Variants in CNTNAP2 observed in about 807,000 individuals in gnomAD.
CNTNAP2 encodes contactin associated protein 2, also known as contactin-associated protein-like 2.
A neutral mutation model predicts 155.2 loss-of-function variants in CNTNAP2; 98 were observed. The observed-to-expected ratio is 0.63, with a 90% CI of 0.54 to 0.75. The LOEUF (loss-of-function observed/expected upper bound fraction) is 0.75, where lower values mean the gene tolerates loss of function less well. Ranked by LOEUF, CNTNAP2 falls within the 30% of genes least tolerant of loss-of-function variation. CNTNAP2 has a pLI of 0.00. For synonymous variants in CNTNAP2, 651 were observed against 631.2 expected, an observed-to-expected ratio of 1.03 and a Z score of -0.47; for missense variants, 1,727 against 1,688.1, an observed-to-expected ratio of 1.02 and a Z score of -0.40.
chr7:147,602,535 A>T (rs1403189271), intron 12 of CNTNAP2, among the ~76,000 whole-genome samples: 1 of 151,146 alleles, frequency 6.6e-6, no homozygotes, highest in East Asian at 2.0e-4. Flanking sequence ...CATGTGCATA[A>T]TGTGCAGGTT....
chr7:146,919,237 G>A (rs551945938), intron 3 of CNTNAP2, among the ~76,000 whole-genome samples: 9 of 152,270 alleles, frequency 5.9e-5, no homozygotes, highest in Non-Finnish European at 1.0e-4. Context: ...TAATGTGATC[G>A]TTTGAGGGTG....
At chr7:147,939,926 C>T (rs750882127) in intron 14 of CNTNAP2, 1 of 152,018 alleles carries the variant, frequency 6.6e-6, no homozygotes, top group African/African-American at 2.4e-5. Context: ...CATTAGTGTC[C>T]TTCGAAGCTA....
At chr7:146,456,519 C>T (rs1361986888) in intron 1 of CNTNAP2, among the ~76,000 whole-genome samples, 2 of 152,114 alleles carry the variant, frequency 1.3e-5, no homozygotes, top group Non-Finnish European at 2.9e-5. Context: ...TCTCACAGAT[C>T]CTTTCAAAGG....
At chr7:147,402,686 A>G (rs1796937400) in intron 10 of CNTNAP2, among the ~76,000 whole-genome samples, 1 of 152,190 alleles carries the variant, frequency 6.6e-6, no homozygotes, top group Non-Finnish European at 1.5e-5. Context: ...ATAAAGCTGA[A>G]ATAAATCATG....
intron 22 of CNTNAP2, among the ~76,000 whole-genome samples, chr7:148,388,735 A>T (rs1799276010): frequency 1.3e-5 from 2 of 151,990 alleles, no homozygotes; most frequent in Admixed American, 1.3e-4. Context: ...TCTGTTTGTT[A>T]GTTTTCCTTC....
intron 10 of CNTNAP2, among the ~76,000 whole-genome samples, chr7:147,483,528 A>G (rs1359428432): frequency 6.6e-6 from 1 of 152,144 alleles, no homozygotes; most frequent in Non-Finnish European, 1.5e-5. Flanking sequence ...CACCACATTT[A>G]GATTCCAGCC....
chr7:147,589,359 T>C (rs889907430), intron 12 of CNTNAP2, among the ~76,000 whole-genome samples: 6 of 152,148 alleles, frequency 3.9e-5, no homozygotes, highest in African/African-American at 1.4e-4. Flanking sequence ...CATCAATAAC[T>C]TATCAACTTT....
At chr7:146,385,865 A>G (rs10238194) in intron 1 of CNTNAP2, among the ~76,000 whole-genome samples, 76,040 of 152,100 alleles carry the variant, frequency 0.5, 20,844 homozygotes, top group African/African-American at 0.73. Context: ...TTGTATTACA[A>G]CTGTTTTAAA....
At chr7:147,257,567 C>A (rs1804359674) in intron 8 of CNTNAP2, among the ~76,000 whole-genome samples, 1 of 152,188 alleles carries the variant, frequency 6.6e-6, no homozygotes, top group African/African-American at 2.4e-5. Context: ...ACAATACTTA[C>A]CACATGTATG....
At chr7:146,818,977 G>A (rs1306950211) in intron 2 of CNTNAP2, among the ~76,000 whole-genome samples, 2 of 151,588 alleles carry the variant, frequency 1.3e-5, no homozygotes, top group Non-Finnish European at 2.9e-5. Context: ...CAAAAAATGT[G>A]GAGTTTTATT....
chr7:147,125,717 T>C (rs893078225), intron 6 of CNTNAP2, among the ~76,000 whole-genome samples: 5 of 152,208 alleles, frequency 3.3e-5, no homozygotes, highest in African/African-American at 1.2e-4. Flanking sequence ...TGCCCTTTAA[T>C]GGTTGTGTGA....
chr7:147,571,077 G>A (rs1029552715), intron 12 of CNTNAP2, among the ~76,000 whole-genome samples: 1 of 151,896 alleles, frequency 6.6e-6, no homozygotes, highest in Non-Finnish European at 1.5e-5. Context: ...AAATGAAATC[G>A]ATATATAAAC....
At chr7:146,276,397 A>G (rs1043858116) in intron 1 of CNTNAP2, among the ~76,000 whole-genome samples, 3 of 152,208 alleles carry the variant, frequency 2.0e-5, no homozygotes, top group Non-Finnish European at 4.4e-5. Flanking sequence ...CATCTTAACC[A>G]AGGCATCTAA....
chr7:147,462,773 GT>G (rs1798046653), intron 10 of CNTNAP2, among the ~76,000 whole-genome samples: 1 of 152,028 alleles, frequency 6.6e-6, no homozygotes, highest in Non-Finnish European at 1.5e-5. Flanking sequence ...GGGATTTTTT[GT>G]TTGTTTGTTT....
chr7:147,528,205 A>G lies in CNTNAP2; in HGVS notation c.1778-33933A>G, dbSNP rs188801118. Among the ~76,000 whole-genome samples, 223 of 152,350 alleles carry G rather than the reference A, an allele frequency of 1.5e-3. 1 individual carries two copies. The highest frequency in any genetic ancestry group is 5.3e-3 in the African/African-American group (220 of 41,578). On this transcript the variant is annotated intron_variant, in intron 11 of 23. Transcript: ENST00000361727. ...TGTTTACTCTAAATAGTCAAACTCA[A>G]TTGTGGCTGAACTCAGAAGAATATT...
chr7:147,047,593 T>C (rs776368248), intron 4 of CNTNAP2, among the ~76,000 whole-genome samples: 4 of 152,178 alleles, frequency 2.6e-5, no homozygotes, highest in Admixed American at 6.5e-5. Flanking sequence ...GTATTTATTT[T>C]TGAGGTGACA....
At chr7:147,827,639 G>A (rs1044880014) in intron 13 of CNTNAP2, among the ~76,000 whole-genome samples, 8 of 151,976 alleles carry the variant, frequency 5.3e-5, no homozygotes, top group African/African-American at 1.9e-4. Flanking sequence ...TTCTTGCCAA[G>A]CTTTGGGTTT....
chr7:146,848,645 A>C (rs1794808513), intron 3 of CNTNAP2, among the ~76,000 whole-genome samples: 1 of 152,136 alleles, frequency 6.6e-6, no homozygotes, highest in Non-Finnish European at 1.5e-5. Context: ...GGTCACTCAG[A>C]GAAGAGGGGC....
At chr7:147,201,984 G>A (rs562427851) in intron 8 of CNTNAP2, among the ~76,000 whole-genome samples, 26 of 152,182 alleles carry the variant, frequency 1.7e-4, no homozygotes, top group Admixed American at 1.2e-3. Flanking sequence ...TAGAACGAAT[G>A]TCCTTTACAT....
Sources: allele counts gnomAD v4.1 joint callset (sites outside exome capture counted in the v4.1 genomes callset), GRCh38; gene constraint gnomAD v4.1.1; transcripts MANE v1.5; gene names NCBI Gene and HGNC (gene_info 2026-07-23, HGNC 2026-07-21).